The following ATXN2L variants were observed in gnomAD, a reference collection of about 807,000 sequenced individuals.
The protein encoded by ATXN2L is ataxin 2 like, also known as ataxin-2-like protein.
In ATXN2L, 24 loss-of-function variants were observed where a neutral mutation model predicts 120.7. That is an observed-to-expected ratio of 0.20 (90% CI 0.14 to 0.28). The LOEUF is 0.28. Ranked by LOEUF, ATXN2L falls within the 10% of genes least tolerant of loss-of-function variation. The probability of loss-of-function intolerance (pLI) is 1.00; values close to 1 mark genes in which losing one functional copy is unlikely to be tolerated. For missense variants in ATXN2L, 1,312 were observed against 1,432.3 expected (o/e 0.92, Z 1.36); for synonymous variants, 653 against 568.1 (o/e 1.15, Z -2.13).
In ATXN2L at chr16:28,826,882, A is replaced by G. The variant is rs2052285799; in HGVS notation, c.637A>G (p.Ile213Val). The change falls in exon 6 of 22, where the codon ATT becomes GTT. Residue 213 changes from isoleucine (I) to valine (V), a missense_variant. By Grantham distance (29) the Ile-to-Val change is conservative. Transcript: ENST00000336783. ...CACAGACAAGTTCACCGATTCAGCCATTGCCATGAACTCGAAAGTGAATGG... is the reference window on the plus strand; with the variant it reads ...CACAGACAAGTTCACCGATTCAGCCGTTGCCATGAACTCGAAAGTGAATGG... ...ATKDKFTDSA[I>V]AMNSKVNGEH... 6.3e-7 allele frequency: 1 copy of G among 1,592,118 alleles called. No homozygotes were observed. The highest frequency in any genetic ancestry group is 8.6e-7 in the Non-Finnish European group (1 of 1,166,232).
At chr16:28,834,013 C>T in intron 15 of ATXN2L, 52 bp from the exon 16 acceptor site, 1 of 1,587,014 alleles carries the variant, frequency 6.3e-7, no homozygotes, top group Admixed American at 1.7e-5. Context: ...TAGGCATGGC[C>T]AGGAGTAGAG....
chr16:28,832,390 C>T lies in ATXN2L; in HGVS notation c.1507C>T (p.Pro503Ser), dbSNP rs772634261. 3.1e-6 allele frequency: 5 copies of T among 1,614,086 alleles called. No individual in the cohort carries two copies. The highest frequency in any genetic ancestry group is 2.2e-5 in the South Asian group (2 of 91,078). Residue 503 changes from proline to serine, a missense_variant, in exon 11 of 22, where the codon CCC becomes TCC. Physicochemically the swap from Pro to Ser is moderately conservative, Grantham distance 74. Coordinates refer to ENST00000336783, the MANE Select transcript of ATXN2L (RefSeq NM_007245.4). ...AGCTTCTCCAAAGATCTCCCTGGCC[C>T]CCACAGATGGTAAGAGCTAGGTGTT... ...SPASPKISLA[P>S]TDVKELSTKE...
chr16:28,823,924 C>G (rs1398534631), intron 1 of ATXN2L: 1 of 259,264 alleles, frequency 3.9e-6, no homozygotes, highest in African/African-American at 2.3e-5. Context: ...CCGGCTTCAG[C>G]CAATGGGGAG....
intron 1 of ATXN2L, among the ~76,000 whole-genome samples, chr16:28,825,058 A>T (rs9924791): frequency 0.07 from 5,335 of 76,296 alleles, 316 homozygotes; most frequent in African/African-American, 0.15. Flanking sequence ...ACTAAAAATT[A>T]AAAAAAAAAA....
At position 28,835,316 on chromosome 16, in the gene ATXN2L, C is replaced by T. The variant is rs1960021139; in HGVS notation, c.2602C>T (p.Leu868Phe). The change falls in exon 20 of 22, where the codon CTC (leucine) becomes TTC (phenylalanine). Residue 868 changes from leucine to phenylalanine, a missense_variant. By Grantham distance (22) the Leu-to-Phe change is conservative. Transcript: ENST00000336783. The stretch of plus-strand genomic sequence containing the variant: ...GTCCTACCCACACCATGCCACACAG[C>T]TCCATGCCCACCAGCCGCAGCCGGC... ...HQSYPHHATQLHAHQPQPATT... is the reference protein window; with the variant it reads ...HQSYPHHATQFHAHQPQPATT... 1 of 1,613,746 alleles carries T rather than the reference C, an allele frequency of 6.2e-7. No individual in the cohort carries two copies. Among genetic ancestry groups the T allele is most frequent in the Non-Finnish European group, 8.5e-7 (1 of 1,179,968 alleles).
At chr16:28,835,878 C>T in intron 21 of ATXN2L, 55 bp from the exon 22 acceptor site, 3 of 1,568,590 alleles carry the variant, frequency 1.9e-6, no homozygotes, top group Non-Finnish European at 2.6e-6. Context: ...CTCTGGCTCT[C>T]AGAGTCTGTT....
rs778627616 is a variant in ATXN2L, at chr16:28,836,034, G to T, written c.2997G>T (p.Gly999=). ...TGCACCCACCCCAGAGTCATGGGGG[G>T]CCCCCCCAAGGCGCGGTGCCCCAGA... is the stretch of plus-strand genomic sequence containing the variant. ...MLLHPPQSHG[G]PPQGAVPQSG... The change falls in exon 22 of 22, where the codon GGG becomes GGT. Residue 999 remains glycine (G), a synonymous_variant. Transcript: ENST00000336783. The T allele has an allele frequency of 6.9e-6, 11 of 1,591,100 alleles. No individual in the cohort carries two copies. Among genetic ancestry groups the T allele is most frequent in the Admixed American group, 1.8e-5 (1 of 56,960 alleles).
At chr16:28,824,599 C>T (rs2051089452) in intron 1 of ATXN2L, 3 of 1,242,986 alleles carry the variant, frequency 2.4e-6, no homozygotes, top group South Asian at 1.3e-5. Flanking sequence ...GGAGGGGATA[C>T]CCCTCCTCCC....
rs767093063 is a variant in ATXN2L, at chr16:28,835,332, C to T, written c.2618C>T (p.Pro873Leu). The change falls in exon 20 of 22, where the codon CCG (proline) becomes CTG (leucine). Residue 873 changes from proline to leucine, a missense_variant. By Grantham distance (98) the Pro-to-Leu change is moderately conservative. Coordinates refer to ENST00000336783, the MANE Select transcript of ATXN2L (RefSeq NM_007245.4). ...HHATQLHAHQ[P>L]QPATTPTGSQ... ...GCCACACAGCTCCATGCCCACCAGCCGCAGCCGGCTACCACGCCTACTGGA... is the reference window on the plus strand; with the variant it reads ...GCCACACAGCTCCATGCCCACCAGCTGCAGCCGGCTACCACGCCTACTGGA... The T allele has an allele frequency of 8.7e-6, 14 of 1,613,522 alleles. No homozygotes were observed. The highest frequency in any genetic ancestry group is 5.0e-5 in the Admixed American group (3 of 59,990).
Position 28,835,319 on chromosome 16 carries a change from C to T in ATXN2L, c.2605C>T (p.His869Tyr), listed in dbSNP as rs1413934908. The change falls in exon 20 of 22, where the codon CAT (histidine) becomes TAT (tyrosine). Residue 869 changes from histidine (H) to tyrosine (Y), a missense_variant. Transcript: ENST00000336783. ...CTACCCACACCATGCCACACAGCTC[C>T]ATGCCCACCAGCCGCAGCCGGCTAC... ...QSYPHHATQL[H>Y]AHQPQPATTP... 1 of 1,613,612 alleles carries T rather than the reference C, an allele frequency of 6.2e-7. No homozygotes were observed. The highest frequency in any genetic ancestry group is 8.5e-7 in the Non-Finnish European group (1 of 1,179,968).
At chr16:28,831,183 T>C in intron 10 of ATXN2L, 111 bp downstream of exon 10, 1 of 803,420 alleles carries the variant, frequency 1.2e-6, no homozygotes, top group Non-Finnish European at 2.0e-6. Flanking sequence ...GATAGATGTT[T>C]TGGGCATTTG....
Position 28,823,851 on chromosome 16 carries a change from T to TG in ATXN2L, c.299+302dup, listed in dbSNP as rs202189464. The TG allele has an allele frequency of 7.1e-3, 2,069 of 293,106 alleles. 16 individuals are homozygous for TG. The highest frequency in any genetic ancestry group is 0.049 in the South Asian group (304 of 6,176). The allele number at this position is 293,106 out of a possible 1,614,324, so 18.2% of individuals were successfully genotyped here. A position where few individuals can be genotyped will look rare whatever the true frequency, so the allele number is the denominator to read the frequency against. On this transcript the variant is annotated intron_variant, in intron 1 of 21. Transcript: ENST00000336783. ...CGCCGGCGCCGTCGGAACGGGGAGT[T>TG]GGGGGGGGGCAAGGAGCTGATCGGG...
Position 28,837,080 on chromosome 16 carries a change from G to T in ATXN2L, c.*815G>T, listed in dbSNP as rs1361589697. The T allele has an allele frequency of 1.8e-6, 1 of 564,798 alleles. No individual in the cohort carries two copies. Among genetic ancestry groups the T allele is most frequent in the Non-Finnish European group, 3.3e-6 (1 of 299,994 alleles). The allele number at this position is 564,798 out of a possible 1,614,324, so 35.0% of individuals were successfully genotyped here. A position where few individuals can be genotyped will look rare whatever the true frequency, so the allele number is the denominator to read the frequency against. On this transcript the variant is annotated 3_prime_UTR_variant, in exon 22 of 22. Coordinates refer to ENST00000336783, the MANE Select transcript of ATXN2L (RefSeq NM_007245.4). ...TTATTTTCTATTATTTATAACTTCA[G>T]ACTTGGGCCCCCTGTTCTTTCTTTC...
intron 18 of ATXN2L, 126 bp from the exon 19 acceptor site, chr16:28,834,932 T>A: frequency 7.5e-7 from 1 of 1,329,884 alleles, no homozygotes; most frequent in Non-Finnish European, 1.0e-6. Flanking sequence ...GGTGGGATCG[T>A]TATGAATGTT....
In ATXN2L at chr16:28,836,208, T is replaced by C. The variant is rs1960634759; in HGVS notation, c.3171T>C (p.His1057=). 1.9e-6 allele frequency: 3 copies of C among 1,613,896 alleles called. No individual in the cohort carries two copies. Among genetic ancestry groups the C allele is most frequent in the Non-Finnish European group, 2.5e-6 (3 of 1,179,910 alleles). The stretch of plus-strand genomic sequence containing the variant: ...TCTCATTAGCTGGGGGAATTTGGCA[T>C]GGAAGAGCTGAGGGGCTGCAGGTGG... ...REFSLAGGIW[H]GRAEGLQVGQ... Residue 1057 remains histidine, a synonymous_variant, in exon 22 of 22, where the codon CAT becomes CAC. Transcript: ENST00000336783.
rs746403050 is a variant in ATXN2L at position 28,835,622 on chromosome 16, C to T, written c.2759C>T (p.Thr920Ile). The T allele has an allele frequency of 6.2e-7, 1 of 1,613,950 alleles. No homozygotes were observed. The highest frequency in any genetic ancestry group is 8.5e-7 in the Non-Finnish European group (1 of 1,179,992). Reference sequence around the variant, plus strand: ...AATCTGTACCACCCAGGGGCCCTGACAGGCACGCCGCCCTCTCTGCCACCG... The same window carrying T: ...AATCTGTACCACCCAGGGGCCCTGATAGGCACGCCGCCCTCTCTGCCACCG... ...QQNLYHPGAL[T>I]GTPPSLPPGP... The change falls in exon 21 of 22, where the codon ACA becomes ATA. Residue 920 changes from threonine to isoleucine, a missense_variant. Thr to Ile is a moderately conservative substitution (Grantham distance 89). Coordinates refer to ENST00000336783, the MANE Select transcript of ATXN2L (RefSeq NM_007245.4).
At chr16:28,829,698 T>C in intron 7 of ATXN2L, 160 bp from the exon 8 acceptor site, 1 of 804,166 alleles carries the variant, frequency 1.2e-6, no homozygotes, top group South Asian at 1.7e-5. Flanking sequence ...TAAGCCTTGG[T>C]GCTCTACCTG....
In ATXN2L at chr16:28,833,115, A is replaced by C; in HGVS notation, c.1716A>C (p.Leu572Phe). The C allele has an allele frequency of 6.2e-7, 1 of 1,614,192 alleles. No individual in the cohort carries two copies. The highest frequency in any genetic ancestry group is 8.5e-7 in the Non-Finnish European group (1 of 1,179,994). ...NSLDPFPPRI[L>F]KEEPKGKEKE... ...TGGATCCTTTTCCTCCCCGGATCTT[A>C]AAGGAGGAGCCCAAAGGAAAGGAGA... Residue 572 changes from leucine to phenylalanine, a missense_variant, in exon 14 of 22, where the codon TTA (leucine) becomes TTC (phenylalanine). Coordinates refer to ENST00000336783, the MANE Select transcript of ATXN2L (RefSeq NM_007245.4).
chr16:28,825,911 G>A lies in ATXN2L; in HGVS notation c.465+70G>A, dbSNP rs190974572. ...AGGAGAATGAAATAGGCTCATTGAAGGTGTCAATTGGGTGATGTCAGAGTA... is the reference window on the plus strand; with the variant it reads ...AGGAGAATGAAATAGGCTCATTGAAAGTGTCAATTGGGTGATGTCAGAGTA... On this transcript the variant is annotated intron_variant, in intron 4 of 21. Transcript: ENST00000336783. The A allele has an allele frequency of 1.2e-5, 17 of 1,375,944 alleles. No individual in the cohort carries two copies. The East Asian group carries it at 3.5e-4, about 28-fold the overall frequency. 85.2% of individuals were successfully genotyped at this position (1,375,944 alleles called of 1,614,324 possible).
Sources: gnomAD v4.1 joint callset for allele counts (sites outside exome capture counted in the v4.1 genomes callset) on GRCh38, gnomAD v4.1.1 for gene constraint, MANE v1.5 for transcripts, NCBI Gene and HGNC (gene_info 2026-07-23, HGNC 2026-07-21) for gene names.